The following SCFD2 variants were observed in gnomAD, a reference collection of about 807,000 sequenced individuals.
SCFD2 encodes the protein sec1 family domain-containing protein 2.
In SCFD2, 54 loss-of-function variants were observed where a neutral mutation model predicts 58.9. That is an observed-to-expected ratio of 0.92 (90% CI 0.74 to 1.15). The LOEUF is 1.15. Among genes scored for constraint, SCFD2 ranks in the 50% most tolerant of loss-of-function variants. SCFD2 has a pLI of 0.00. For synonymous variants in SCFD2, 321 were observed against 335.9 expected, an observed-to-expected ratio of 0.96 and a Z score of 0.49; for missense variants, 805 against 836.6, an observed-to-expected ratio of 0.96 and a Z score of 0.47.
chr4:53,328,537 A>G (rs1466297007), intron 2 of SCFD2, among the ~76,000 whole-genome samples: 1 of 152,256 alleles, frequency 6.6e-6, no homozygotes, highest in Non-Finnish European at 1.5e-5. Context: ...GTTATAACCC[A>G]TTGAATAAAA....
intron 4 of SCFD2, among the ~76,000 whole-genome samples, chr4:53,254,967 G>T (rs1329087178): frequency 6.7e-6 from 1 of 150,332 alleles, no homozygotes; most frequent in Non-Finnish European, 1.5e-5. Flanking sequence ...CCGCCTCCTG[G>T]GTTCACGCCA....
At chr4:53,296,603 G>A (rs1182669924) in intron 3 of SCFD2, among the ~76,000 whole-genome samples, 2 of 152,032 alleles carry the variant, frequency 1.3e-5, no homozygotes, top group African/African-American at 4.8e-5. Flanking sequence ...TGGATTCACT[G>A]ATTTTTTTGA....
chr4:53,099,724 G>A (rs1467589818), intron 5 of SCFD2, among the ~76,000 whole-genome samples: 1 of 152,166 alleles, frequency 6.6e-6, no homozygotes, highest in East Asian at 1.9e-4. Flanking sequence ...TACCCACTTA[G>A]GGAGGGCATT....
chr4:53,128,416 G>C (rs996806856), intron 5 of SCFD2, among the ~76,000 whole-genome samples: 25 of 152,094 alleles, frequency 1.6e-4, no homozygotes, highest in African/African-American at 5.1e-4. Flanking sequence ...AAAATTAAAG[G>C]CATGTACTCA....
At chr4:53,249,041 A>G (rs1730240051) in intron 4 of SCFD2, among the ~76,000 whole-genome samples, 1 of 152,196 alleles carries the variant, frequency 6.6e-6, no homozygotes, top group South Asian at 2.1e-4. Flanking sequence ...AAAGGCAAAG[A>G]AGTTAAAAAC....
chr4:53,059,086 C>T (rs1239015966), intron 5 of SCFD2, among the ~76,000 whole-genome samples: 1 of 152,112 alleles, frequency 6.6e-6, no homozygotes, highest in Non-Finnish European at 1.5e-5. Context: ...CTACTAGAAG[C>T]AGTTTAGAAT....
Position 52,995,785 on chromosome 4 carries a change from A to G in SCFD2, c.1562-74915T>C, listed in dbSNP as rs375939110. Reference sequence around the variant, plus strand: ...AAATTCTAAATAGCACGGTGGTTATAAGTGGGTCATCGTGGTATTCCACAT... The same window carrying G: ...AAATTCTAAATAGCACGGTGGTTATGAGTGGGTCATCGTGGTATTCCACAT... On this transcript the variant is annotated intron_variant, in intron 5 of 8. Coordinates refer to ENST00000401642, the MANE Select transcript of SCFD2 (RefSeq NM_152540.4). Among the ~76,000 whole-genome samples the G allele has an allele frequency of 2.0e-5, 3 of 152,312 alleles. No homozygotes were observed. The East Asian group carries it at 5.8e-4, about 29-fold the overall frequency.
intron 2 of SCFD2, among the ~76,000 whole-genome samples, chr4:53,334,216 A>T (rs977703312): frequency 2.0e-5 from 3 of 151,176 alleles, no homozygotes; most frequent in African/African-American, 4.8e-5. Context: ...ATCTAGAACT[A>T]GAAATACCAT....
At chr4:53,109,036 T>C (rs550522534) in intron 5 of SCFD2, among the ~76,000 whole-genome samples, 2 of 152,342 alleles carry the variant, frequency 1.3e-5, no homozygotes, top group Middle Eastern at 3.4e-3. Context: ...GTCAGCTTCA[T>C]ACCTGGGATG....
At chr4:53,056,949 C>T (rs7692586) in intron 5 of SCFD2, among the ~76,000 whole-genome samples, 112,309 of 152,000 alleles carry the variant, frequency 0.74, 41,597 homozygotes, top group Middle Eastern at 0.87. Flanking sequence ...TTTGGGAAGC[C>T]GAGGTGGCGG....
chr4:53,154,882 G>A (rs1455361598), intron 4 of SCFD2, among the ~76,000 whole-genome samples: 2 of 152,204 alleles, frequency 1.3e-5, no homozygotes, highest in Admixed American at 6.5e-5. Flanking sequence ...AACATTTATG[G>A]CTTTGAAGAT....
intron 3 of SCFD2, among the ~76,000 whole-genome samples, chr4:53,298,403 C>T (rs576032440): frequency 1.1e-4 from 16 of 152,250 alleles, no homozygotes; most frequent in African/African-American, 1.9e-4. Flanking sequence ...GGGGGAGGGG[C>T]GCCCACCATA....
At position 53,148,249 on chromosome 4, in the gene SCFD2, A is replaced by G. The variant is rs1466641142; in HGVS notation, c.1312-2667T>C. Among the ~76,000 whole-genome samples, 42 of 152,230 alleles carry G rather than the reference A, an allele frequency of 2.8e-4. 1 individual carries two copies. Among genetic ancestry groups the G allele is most frequent in the Admixed American group, 2.7e-3 (42 of 15,282 alleles). ...CATGATCATTTGTAAAGATTCATTC[A>G]CTAACATCTGGCCTTCAGAGCTTCA... is the stretch of plus-strand genomic sequence containing the variant. On this transcript the variant is annotated intron_variant, in intron 4 of 8. Coordinates refer to ENST00000401642, the MANE Select transcript of SCFD2 (RefSeq NM_152540.4).
At chr4:52,930,653 T>C (rs1412533461) in intron 5 of SCFD2, among the ~76,000 whole-genome samples, 1 of 152,210 alleles carries the variant, frequency 6.6e-6, no homozygotes, top group Admixed American at 6.5e-5. Flanking sequence ...CTGCCGTAAC[T>C]GTAAACTAAC....
chr4:52,973,624 A>G (rs1209088533), intron 5 of SCFD2, among the ~76,000 whole-genome samples: 2 of 152,256 alleles, frequency 1.3e-5, no homozygotes, highest in Non-Finnish European at 2.9e-5. Context: ...TTCTGAAACT[A>G]TTCCAATCAA....
chr4:53,240,439 A>G (rs1225735185), intron 4 of SCFD2, among the ~76,000 whole-genome samples: 4 of 152,228 alleles, frequency 2.6e-5, no homozygotes, highest in African/African-American at 9.6e-5. Flanking sequence ...CCTTTTGTTT[A>G]CAGAATGGAA....
chr4:53,275,129 G>T (rs1357298321), intron 3 of SCFD2, among the ~76,000 whole-genome samples: 1 of 152,194 alleles, frequency 6.6e-6, no homozygotes, highest in Non-Finnish European at 1.5e-5. Flanking sequence ...GGCTTGTGCT[G>T]CATCTATTAG....
intron 4 of SCFD2, among the ~76,000 whole-genome samples, chr4:53,260,602 T>G (rs1730801772): frequency 6.6e-6 from 1 of 152,164 alleles, no homozygotes; most frequent in African/African-American, 2.4e-5. Flanking sequence ...TGGATGATCT[T>G]TTTGACATGC....
intron 1 of SCFD2, among the ~76,000 whole-genome samples, chr4:53,363,122 A>T (rs1307455691): frequency 6.6e-6 from 1 of 151,614 alleles, no homozygotes; most frequent in East Asian, 1.9e-4. Context: ...TATTTTGCAA[A>T]TCATTCTTTT....
Sources: allele counts gnomAD v4.1 joint callset (sites outside exome capture counted in the v4.1 genomes callset), GRCh38; gene constraint gnomAD v4.1.1; transcripts MANE v1.5; gene names NCBI Gene and HGNC (gene_info 2026-07-23, HGNC 2026-07-21).